Variants in AFF3 observed in about 807,000 individuals in gnomAD.
AFF3 encodes ALF transcription elongation factor 3.
A neutral mutation model predicts 129.7 loss-of-function variants in AFF3; 32 were observed. The observed-to-expected ratio is 0.25, with a 90% CI of 0.19 to 0.33. The LOEUF (loss-of-function observed/expected upper bound fraction) is 0.33, where lower values mean the gene tolerates loss of function less well. Ranked by LOEUF, AFF3 falls within the 10% of genes least tolerant of loss-of-function variation. The pLI is 1.00. For missense variants in AFF3, 1,373 were observed against 1,592.0 expected, an observed-to-expected ratio of 0.86 and a Z score of 2.34; for synonymous variants, 644 against 635.4, an observed-to-expected ratio of 1.01 and a Z score of -0.20.
chr2:99,897,312 T>C (rs754370613), intron 7 of AFF3, among the ~76,000 whole-genome samples: 5 of 152,200 alleles, frequency 3.3e-5, no homozygotes, highest in Non-Finnish European at 5.9e-5. Flanking sequence ...TTCAGTCACA[T>C]GCAATTAATT....
intron 12 of AFF3, 152 bp downstream of exon 12, chr2:99,672,386 C>A (rs1434817508): frequency 1.6e-6 from 1 of 628,158 alleles, no homozygotes; most frequent in Admixed American, 2.6e-5. Flanking sequence ...TTTTAATATA[C>A]TGACCCAACT....
Position 99,594,183 on chromosome 2 carries a change from C to G in AFF3, c.1478G>C (p.Ser493Thr), listed in dbSNP as rs1308676738. 6.2e-7 allele frequency: 1 copy of G among 1,614,156 alleles called. No homozygotes were observed. The highest frequency in any genetic ancestry group is 8.5e-7 in the Non-Finnish European group (1 of 1,180,022). The change falls in exon 15 of 25, where the codon AGC becomes ACC. Residue 493 changes from serine (S) to threonine (T), a missense_variant. By Grantham distance (58) the Ser-to-Thr change is moderately conservative. This residue lies in a region of AFF3 where 413 missense variants were observed against 424.4 expected (regional missense o/e 0.97). Transcript: ENST00000672756. Reference sequence around the variant, plus strand: ...TTTCACCGGGTTGTAGTACTGATTGCTCTCTGACCCGTGGCTTTCATTTTG... The same window carrying G: ...TTTCACCGGGTTGTAGTACTGATTGGTCTCTGACCCGTGGCTTTCATTTTG... ...LIQNESHGSE[S>T]NQYYNPVKED...
intron 7 of AFF3, among the ~76,000 whole-genome samples, chr2:99,842,704 G>T (rs1214903594): frequency 6.6e-6 from 1 of 152,204 alleles, no homozygotes; most frequent in Non-Finnish European, 1.5e-5. Flanking sequence ...ACACTGCCAA[G>T]AAATGTACAG....
intron 7 of AFF3, among the ~76,000 whole-genome samples, chr2:99,894,754 C>T (rs1168110980): frequency 4.6e-5 from 7 of 152,052 alleles, no homozygotes; most frequent in South Asian, 2.1e-4. Flanking sequence ...GGATTACAGG[C>T]GTGAGCCACT....
At chr2:99,804,501 T>C (rs1686190093) in intron 8 of AFF3, among the ~76,000 whole-genome samples, 1 of 152,220 alleles carries the variant, frequency 6.6e-6, no homozygotes, top group African/African-American at 2.4e-5. Flanking sequence ...TGTAAATTAG[T>C]ACCACCTGTA....
chr2:100,133,590 G>A (rs1363364624), intron 1 of AFF3, among the ~76,000 whole-genome samples: 3 of 152,092 alleles, frequency 2.0e-5, no homozygotes, highest in East Asian at 1.9e-4. Flanking sequence ...ACAGGCACAT[G>A]CCACTGTGCC....
At chr2:99,865,124 T>C (rs970564619) in intron 7 of AFF3, among the ~76,000 whole-genome samples, 2 of 152,196 alleles carry the variant, frequency 1.3e-5, no homozygotes, top group Non-Finnish European at 2.9e-5. Flanking sequence ...AACCAGACAG[T>C]TAAGCAACGG....
chr2:100,119,725 G>T (rs1345691630), intron 2 of AFF3, among the ~76,000 whole-genome samples: 1 of 152,134 alleles, frequency 6.6e-6, no homozygotes, highest in Non-Finnish European at 1.5e-5. Flanking sequence ...GGTTTACAGG[G>T]GACAAACTAT....
intron 7 of AFF3, among the ~76,000 whole-genome samples, chr2:99,955,894 G>C (rs1052564589): frequency 1.3e-5 from 2 of 152,126 alleles, no homozygotes; most frequent in South Asian, 2.1e-4. Flanking sequence ...CATAGAGGCA[G>C]TTGTAAACAT....
At chr2:99,736,311 T>A (rs189018157) in intron 10 of AFF3, among the ~76,000 whole-genome samples, 7 of 152,316 alleles carry the variant, frequency 4.6e-5, no homozygotes, top group Admixed American at 3.9e-4. Context: ...TATATCAAAT[T>A]ATTTTGTCCA....
intron 8 of AFF3, among the ~76,000 whole-genome samples, chr2:99,812,187 C>G (rs994090742): frequency 6.6e-5 from 10 of 152,152 alleles, no homozygotes; most frequent in African/African-American, 2.4e-4. Context: ...CAGAGCCTGC[C>G]AGCCAGCAAA....
chr2:99,734,550 A>C (rs1213983137), intron 10 of AFF3, among the ~76,000 whole-genome samples: 1 of 152,072 alleles, frequency 6.6e-6, no homozygotes, highest in African/African-American at 2.4e-5. Flanking sequence ...GTGGGCTTCT[A>C]TTCCTGATTT....
intron 12 of AFF3, among the ~76,000 whole-genome samples, chr2:99,660,692 T>A (rs1686153259): frequency 6.6e-6 from 1 of 152,372 alleles, no homozygotes; most frequent in South Asian, 2.1e-4. Context: ...GAGAATCAGA[T>A]CTCTCTACTG....
chr2:99,721,384 C>T (rs1319618715), intron 11 of AFF3, among the ~76,000 whole-genome samples: 1 of 152,022 alleles, frequency 6.6e-6, no homozygotes, highest in Admixed American at 6.6e-5. Context: ...CAAAAATTAG[C>T]TGGGCATGGT....
intron 19 of AFF3, among the ~76,000 whole-genome samples, chr2:99,568,454 A>G (rs370450103): frequency 2.6e-5 from 4 of 152,218 alleles, no homozygotes; most frequent in African/African-American, 9.6e-5. Context: ...CGGCAGATAC[A>G]TGTGAAGAAC....
At chr2:99,565,351 A>G in intron 20 of AFF3, 136 bp downstream of exon 20, 1 of 1,296,746 alleles carries the variant, frequency 7.7e-7, no homozygotes, top group Non-Finnish European at 1.1e-6. Flanking sequence ...GCACGACCTT[A>G]CCCTCTTATT....
At chr2:99,618,224 C>CT (rs70940180) in intron 13 of AFF3, among the ~76,000 whole-genome samples, 10,024 of 79,606 alleles carry the variant, frequency 0.13, 2,922 homozygotes, top group Non-Finnish European at 0.16. Flanking sequence ...TCATAACATT[C>CT]TTTTTTTTTT....
In AFF3 at chr2:99,587,199, G is replaced by A; in HGVS notation, c.2546C>T (p.Thr849Ile). The change falls in exon 16 of 25, where the codon ACC (threonine) becomes ATC (isoleucine). Residue 849 changes from threonine (T) to isoleucine (I), a missense_variant. Thr to Ile is a moderately conservative substitution (Grantham distance 89). Transcript: ENST00000672756. ...GTGGTTTGCAGACAAAGTATTACTGGTGGAGGTGGCCAGTCTTGAAGAGCT... is the reference window on the plus strand; with the variant it reads ...GTGGTTTGCAGACAAAGTATTACTGATGGAGGTGGCCAGTCTTGAAGAGCT... ...KDSSSRLATS[T>I]SNTLSANHCN... The A allele has an allele frequency of 6.2e-7, 1 of 1,614,176 alleles. No individual in the cohort carries two copies. Among genetic ancestry groups the A allele is most frequent in the Non-Finnish European group, 8.5e-7 (1 of 1,180,018 alleles).
intron 4 of AFF3, among the ~76,000 whole-genome samples, chr2:100,093,104 C>G (rs1689994550): frequency 6.6e-6 from 1 of 152,192 alleles, no homozygotes; most frequent in Admixed American, 6.5e-5. Flanking sequence ...GGCTCTAAAA[C>G]ATTACCTTTT....
Sources: allele counts gnomAD v4.1 joint callset (sites outside exome capture counted in the v4.1 genomes callset), GRCh38; gene constraint gnomAD v4.1.1; regional missense constraint gnomAD v4.1.1; transcripts MANE v1.5; gene names NCBI Gene and HGNC (gene_info 2026-07-23, HGNC 2026-07-21).